RPN2: variants seen among roughly 807,000 people sequenced by gnomAD.
RPN2 encodes ribophorin II.
In RPN2, 29 loss-of-function variants were observed where a neutral mutation model predicts 71.4. The ratio of observed to expected loss-of-function variants is 0.41; its 90% CI spans 0.30 to 0.55. The LOEUF (loss-of-function observed/expected upper bound fraction) is 0.55, where lower values mean the gene tolerates loss of function less well. Ranked by LOEUF, RPN2 falls within the 20% of genes least tolerant of loss-of-function variation. The pLI, the probability that RPN2 is intolerant of heterozygous loss-of-function variation, is 0.35. For missense variants in RPN2, 726 were observed against 774.1 expected (o/e 0.94, Z 0.74); for synonymous variants, 308 against 305.0 (o/e 1.01, Z -0.10).
intron 2 of RPN2, among the ~76,000 whole-genome samples, chr20:37,189,560 T>C (rs1347503082): frequency 1.3e-5 from 2 of 152,242 alleles, no homozygotes; most frequent in Non-Finnish European, 2.9e-5. Flanking sequence ...GCCCAATGTT[T>C]TCTTCCTGTG....
At chr20:37,233,602 C>T (rs190503366) in intron 14 of RPN2, among the ~76,000 whole-genome samples, 17 of 152,320 alleles carry the variant, frequency 1.1e-4, no homozygotes, top group Admixed American at 3.3e-4. Flanking sequence ...TTTCAAATGA[C>T]ATGGAACCCA....
intron 5 of RPN2, 138 bp from the exon 6 acceptor site, chr20:37,204,629 G>T: frequency 1.0e-6 from 1 of 960,382 alleles, no homozygotes. Flanking sequence ...TTTTGAGAAA[G>T]TATGAAGTGA....
At chr20:37,237,272 C>T (rs1236390110) in intron 16 of RPN2, among the ~76,000 whole-genome samples, 1 of 152,206 alleles carries the variant, frequency 6.6e-6, no homozygotes, top group Non-Finnish European at 1.5e-5. Context: ...CAGACCTTGA[C>T]ATGAGGGCAG....
chr20:37,225,940 A>G, intron 11 of RPN2, 138 bp downstream of exon 11: 1 of 712,934 alleles, frequency 1.4e-6, no homozygotes, highest in Non-Finnish European at 2.6e-6. Flanking sequence ...ACAGTCCATC[A>G]GGTTCTCCCA....
At chr20:37,201,387 C>A (rs760103128) in intron 4 of RPN2, among the ~76,000 whole-genome samples, 8 of 149,590 alleles carry the variant, frequency 5.3e-5, no homozygotes, top group Non-Finnish European at 1.0e-4. Context: ...TGGGCGTGAG[C>A]GATTCTCCCA....
intron 8 of RPN2, among the ~76,000 whole-genome samples, chr20:37,211,016 C>T (rs796502880): frequency 3.3e-5 from 5 of 151,890 alleles, no homozygotes; most frequent in African/African-American, 1.2e-4. Context: ...AGCAGGACCC[C>T]ATCTGTAATT....
chr20:37,228,939 G>A (rs1458739995), intron 12 of RPN2, among the ~76,000 whole-genome samples, 195 bp downstream of exon 12: 4 of 149,300 alleles, frequency 2.7e-5, no homozygotes, highest in Admixed American at 6.8e-5. Context: ...AACATGGTAC[G>A]TGCTTAATAA....
chr20:37,210,787 C>T (rs2067643299), intron 8 of RPN2, among the ~76,000 whole-genome samples: 2 of 152,074 alleles, frequency 1.3e-5, no homozygotes, highest in South Asian at 4.1e-4. Context: ...CTGCCTCGGC[C>T]TCCCTAAGTG....
Position 37,241,481 on chromosome 20 carries a change from G to A in RPN2, c.*166G>A. ...TGTTTTTCAGTTTCCCCAACACACA[G>A]CAGATACCTGGTGAGCTCAGATAGT... On this transcript the variant is annotated 3_prime_UTR_variant, in exon 17 of 17. Coordinates refer to ENST00000237530, the MANE Select transcript of RPN2 (RefSeq NM_002951.5). The A allele has an allele frequency of 2.7e-6, 2 of 745,368 alleles. No homozygotes were observed. Among genetic ancestry groups the A allele is most frequent in the South Asian group, 1.7e-5 (1 of 59,472 alleles). The allele number at this position is 745,368 out of a possible 1,614,324, so 46.2% of individuals were successfully genotyped here.
At chr20:37,188,272 G>A (rs1345949289) in intron 2 of RPN2, among the ~76,000 whole-genome samples, 1 of 152,110 alleles carries the variant, frequency 6.6e-6, no homozygotes, top group Admixed American at 6.5e-5. Context: ...GGGTTCAAGC[G>A]ATTCCCCTGC....
chr20:37,195,978 T>C (rs1489261422), intron 2 of RPN2, among the ~76,000 whole-genome samples: 1 of 152,088 alleles, frequency 6.6e-6, no homozygotes, highest in African/African-American at 2.4e-5. Flanking sequence ...AGTAAAACAT[T>C]GGACAATACA....
At chr20:37,212,636 C>G (rs1381467287) in intron 8 of RPN2, among the ~76,000 whole-genome samples, 2 of 151,966 alleles carry the variant, frequency 1.3e-5, no homozygotes, top group African/African-American at 2.4e-5. Context: ...CGCCACCATG[C>G]CCAGCTAATT....
At chr20:37,204,685 C>A in intron 5 of RPN2, 82 bp from the exon 6 acceptor site, 2 of 1,440,272 alleles carry the variant, frequency 1.4e-6, no homozygotes, top group South Asian at 1.1e-5. Flanking sequence ...ACGAAGCTGT[C>A]TGCAGTGGGG....
intron 9 of RPN2, among the ~76,000 whole-genome samples, chr20:37,216,113 C>T (rs1257991981): frequency 2.0e-5 from 3 of 152,078 alleles, no homozygotes; most frequent in East Asian, 1.9e-4. Context: ...CCAAGGCAGG[C>T]GGATCACCTG....
rs1300042975 is a variant in RPN2 at position 37,225,712 on chromosome 20, G to C, written c.1209G>C (p.Lys403Asn). The C allele has an allele frequency of 1.2e-6, 2 of 1,614,042 alleles. No individual in the cohort carries two copies. Among genetic ancestry groups the C allele is most frequent in the South Asian group, 2.2e-5 (2 of 91,070 alleles). The change falls in exon 11 of 17, where the codon AAG becomes AAC. Residue 403 changes from lysine to asparagine, a missense_variant. Lys to Asn is a moderately conservative substitution (Grantham distance 94). Coordinates refer to ENST00000237530, the MANE Select transcript of RPN2 (RefSeq NM_002951.5). ...TTRVTYPAKA[K>N]GTFIADSHQN... is the part of the protein sequence containing the mutation. ...GGGTGACATACCCAGCCAAAGCCAA[G>C]GGCACATTCATCGCAGACAGCCACC...
chr20:37,209,702 G>A (rs2067609314), intron 7 of RPN2, among the ~76,000 whole-genome samples: 1 of 147,926 alleles, frequency 6.8e-6, no homozygotes, highest in African/African-American at 2.5e-5. Flanking sequence ...CGCTGTTCTT[G>A]AACTCTTTGG....
At chr20:37,214,670 G>C (rs2067762509) in intron 9 of RPN2, among the ~76,000 whole-genome samples, 1 of 152,232 alleles carries the variant, frequency 6.6e-6, no homozygotes, top group South Asian at 2.1e-4. Flanking sequence ...TTCATGATCA[G>C]GTTCAGGTCA....
At chr20:37,188,479 C>T (rs1295107960) in intron 2 of RPN2, among the ~76,000 whole-genome samples, 1 of 151,982 alleles carries the variant, frequency 6.6e-6, no homozygotes, top group African/African-American at 2.4e-5. Flanking sequence ...AACCTTCTTT[C>T]AAGGATCCCA....
At chr20:37,214,251 A>G (rs972415953) in intron 9 of RPN2, among the ~76,000 whole-genome samples, 5 of 152,232 alleles carry the variant, frequency 3.3e-5, no homozygotes, top group African/African-American at 1.2e-4. Context: ...ATAGGTGACA[A>G]AAAGCACCAA....
Sources: allele counts gnomAD v4.1 joint callset (sites outside exome capture counted in the v4.1 genomes callset), GRCh38; gene constraint gnomAD v4.1.1; transcripts MANE v1.5; gene names NCBI Gene and HGNC (gene_info 2026-07-23, HGNC 2026-07-21).